The following TOP1 variants were observed in gnomAD, a reference collection of about 807,000 sequenced individuals.
TOP1 encodes DNA topoisomerase I.
In TOP1, 10 loss-of-function variants were observed where a neutral mutation model predicts 111.1. The ratio of observed to expected loss-of-function variants is 0.09; its 90% confidence interval spans 0.06 to 0.15. The LOEUF (loss-of-function observed/expected upper bound fraction) is 0.15, where lower values mean the gene tolerates loss of function less well. Among genes scored for constraint, TOP1 ranks in the 10% least tolerant of loss-of-function variants. The pLI is 1.00. For missense variants in TOP1, 474 were observed against 926.7 expected (o/e 0.51, Z 6.34); for synonymous variants, 271 against 302.9 (o/e 0.89, Z 1.10).
chr20:41,085,264 A>C (rs1057175403), intron 8 of TOP1, among the ~76,000 whole-genome samples: 8 of 152,222 alleles, frequency 5.3e-5, no homozygotes, highest in African/African-American at 1.7e-4. Flanking sequence ...TAAGTAATCA[A>C]AGATGCAAAA....
At position 41,046,313 on chromosome 20, in the gene TOP1, A is replaced by G. The variant is rs930539654; in HGVS notation, c.59-15081A>G. Among the ~76,000 whole-genome samples the G allele has an allele frequency of 1.3e-5, 2 of 152,222 alleles. No individual in the cohort carries two copies. The highest frequency in any genetic ancestry group is 1.9e-4 in the East Asian group (1 of 5,202). On this transcript the variant is annotated intron_variant, in intron 2 of 20. Coordinates refer to ENST00000361337, the MANE Select transcript of TOP1 (RefSeq NM_003286.4). The surrounding 1 kb of genome is among the most constrained non-coding windows in gnomAD (Gnocchi z 4.3). ...TAAGTAAAGTAACTAGCTCAAGGCT[A>G]TATAGTTATAACTAAGCCACAGAGC... is the stretch of plus-strand genomic sequence containing the variant.
In TOP1 at chr20:41,118,607, G is replaced by C. The variant is rs1000734315; in HGVS notation, c.1950+311G>C. Among the ~76,000 whole-genome samples the C allele has an allele frequency of 6.6e-6, 1 of 152,198 alleles. No homozygotes were observed. The highest frequency in any genetic ancestry group is 1.5e-5 in the Non-Finnish European group (1 of 68,050). ...GTCCTTATTGTACATGAGGAAAGTGGATTTAAAGAGAGTCTTCATAATTCC... is the reference window on the plus strand; with the variant it reads ...GTCCTTATTGTACATGAGGAAAGTGCATTTAAAGAGAGTCTTCATAATTCC... On this transcript the variant is annotated intron_variant, in intron 18 of 20. Transcript: ENST00000361337. The surrounding 1 kb of genome is among the most constrained non-coding windows in gnomAD (Gnocchi z 4.6).
intron 2 of TOP1, among the ~76,000 whole-genome samples, chr20:41,060,515 A>G (rs2033531378): frequency 1.3e-5 from 2 of 152,198 alleles, no homozygotes; most frequent in African/African-American, 4.8e-5. Context: ...AAGATGGGGA[A>G]TGACTGGGAA....
At chr20:41,048,288 AT>A (rs1211002206) in intron 2 of TOP1, among the ~76,000 whole-genome samples, 1 of 152,200 alleles carries the variant, frequency 6.6e-6, no homozygotes, top group East Asian at 1.9e-4. Flanking sequence ...TTTCTTCAAA[AT>A]ATGGTTCTGG....
rs906489588 is a variant in TOP1, at chr20:41,071,382, A to T, written c.156-4789A>T. 1.3e-5 allele frequency among the ~76,000 whole-genome samples: 2 copies of T among 151,040 alleles called. No individual in the cohort carries two copies. The highest frequency in any genetic ancestry group is 2.9e-5 in the Non-Finnish European group (2 of 67,896). On this transcript the variant is annotated intron_variant, in intron 3 of 20. Transcript: ENST00000361337. The surrounding 1 kb of genome is among the most constrained non-coding windows in gnomAD (Gnocchi z 4.3). ...TTTTTTTGAGATGGAGCCTCAGTCTATCGCCAGGCTGGAGTGCAGTGGCGT... is the reference window on the plus strand; with the variant it reads ...TTTTTTTGAGATGGAGCCTCAGTCTTTCGCCAGGCTGGAGTGCAGTGGCGT...
At chr20:41,105,882 T>C (rs542258670) in intron 13 of TOP1, among the ~76,000 whole-genome samples, 1 of 152,326 alleles carries the variant, frequency 6.6e-6, no homozygotes, top group South Asian at 2.1e-4. Flanking sequence ...GTTTCTTGTG[T>C]ATATGAATGA....
chr20:41,054,441 C>T (rs2033444146), intron 2 of TOP1, among the ~76,000 whole-genome samples: 1 of 152,156 alleles, frequency 6.6e-6, no homozygotes, highest in South Asian at 2.1e-4. Context: ...GTCAATTAAA[C>T]CTCTTTATAA....
chr20:41,096,799 C>G (rs1272463953), intron 9 of TOP1, among the ~76,000 whole-genome samples: 3 of 152,188 alleles, frequency 2.0e-5, no homozygotes, highest in Admixed American at 6.5e-5. Flanking sequence ...ACTCCCTGCC[C>G]TATCCCTTCC....
chr20:41,104,040 A>G (rs775986138), intron 13 of TOP1, among the ~76,000 whole-genome samples: 3 of 152,120 alleles, frequency 2.0e-5, no homozygotes, highest in African/African-American at 7.2e-5. Flanking sequence ...AGACAACTCC[A>G]CTGTTCAAAG....
intron 3 of TOP1, among the ~76,000 whole-genome samples, chr20:41,073,871 C>T (rs574161760): frequency 1.1e-4 from 16 of 152,104 alleles, no homozygotes; most frequent in Non-Finnish European, 2.4e-4. Flanking sequence ...CAGGGGGAGG[C>T]AGTATATTCA....
At chr20:41,059,768 G>C (rs906417861) in intron 2 of TOP1, among the ~76,000 whole-genome samples, 29 of 152,054 alleles carry the variant, frequency 1.9e-4, no homozygotes, top group African/African-American at 6.0e-4. Context: ...GAAAATGATG[G>C]GGAGAAAATA....
chr20:41,037,621 A>G (rs17178365), intron 2 of TOP1, among the ~76,000 whole-genome samples: 1,681 of 152,346 alleles, frequency 0.011, 16 homozygotes, highest in Non-Finnish European at 0.018. Flanking sequence ...GAGTATAGGC[A>G]TTTGGGAGAT....
chr20:41,039,045 C>T (rs991241929), intron 2 of TOP1, among the ~76,000 whole-genome samples: 2 of 151,702 alleles, frequency 1.3e-5, no homozygotes, highest in African/African-American at 4.8e-5. Flanking sequence ...TTTCTCCTTT[C>T]ACACTTGGGA....
At chr20:41,073,587 T>C (rs780534097) in intron 3 of TOP1, among the ~76,000 whole-genome samples, 3 of 152,118 alleles carry the variant, frequency 2.0e-5, no homozygotes, top group Non-Finnish European at 2.9e-5. Context: ...AGTGGAAATA[T>C]AAGGGTATTG....
chr20:41,076,301 A>G lies in TOP1; in HGVS notation c.279+7A>G, dbSNP rs757666500. 13 of 1,599,840 alleles carry G rather than the reference A, an allele frequency of 8.1e-6. No individual in the cohort carries two copies. The highest frequency in any genetic ancestry group is 1.1e-5 in the Non-Finnish European group (13 of 1,175,402). ...AAAACGAAAAGAGGAAAAGGTACAG[A>G]GTTTTCTAGTAGGGGAGGAAGGAAC... is the stretch of plus-strand genomic sequence containing the variant. On this transcript the variant is annotated splice_region_variant and intron_variant, in intron 4 of 20. Transcript: ENST00000361337.
intron 2 of TOP1, among the ~76,000 whole-genome samples, chr20:41,042,484 T>C (rs1010151940): frequency 1.3e-5 from 2 of 152,244 alleles, no homozygotes; most frequent in African/African-American, 2.4e-5. Flanking sequence ...TTCATACTAA[T>C]ACTAGGATGG....
In TOP1 at chr20:41,087,579, G is replaced by A. The variant is rs577257411; in HGVS notation, c.614+3011G>A. ...CAAGACCAAGACTCATAAATATATG[G>A]TCAATGATAGTGGTAAGAAATTTAT... is the stretch of plus-strand genomic sequence containing the variant. On this transcript the variant is annotated intron_variant, in intron 8 of 20. Coordinates refer to ENST00000361337, the MANE Select transcript of TOP1 (RefSeq NM_003286.4). Among the ~76,000 whole-genome samples the A allele has an allele frequency of 5.9e-5, 9 of 152,294 alleles. No individual in the cohort carries two copies. In the East Asian group the frequency reaches 1.7e-3, roughly 29 times the overall value.
chr20:41,086,262 CA>C (rs561307231), intron 8 of TOP1, among the ~76,000 whole-genome samples: 3,774 of 93,456 alleles, frequency 0.04, 61 homozygotes, highest in Non-Finnish European at 0.06. Context: ...GACTCTGTCT[CA>C]AAAAAAAAAA....
At chr20:41,045,473 C>G (rs1024646675) in intron 2 of TOP1, among the ~76,000 whole-genome samples, 2 of 152,024 alleles carry the variant, frequency 1.3e-5, no homozygotes, top group African/African-American at 4.8e-5. Flanking sequence ...TTTATTTGAC[C>G]CCTTAGAGCT....
Sources: gnomAD v4.1 joint callset for allele counts (sites outside exome capture counted in the v4.1 genomes callset) on GRCh38, gnomAD v4.1.1 for gene constraint, Gnocchi (gnomAD v3.1) non-coding constraint, MANE v1.5 for transcripts, NCBI Gene and HGNC (gene_info 2026-07-23, HGNC 2026-07-21) for gene names.